The following AGL variants were observed in gnomAD, a reference collection of about 807,000 sequenced individuals.
The protein encoded by AGL is glycogen debranching enzyme.
In AGL, 128 loss-of-function variants were observed where a neutral mutation model predicts 199.3. That is an observed-to-expected ratio of 0.64 (90% CI 0.56 to 0.74). The LOEUF (loss-of-function observed/expected upper bound fraction) is 0.74, where lower values mean the gene tolerates loss of function less well. Among genes scored for constraint, AGL ranks in the 30% least tolerant of loss-of-function variants. AGL has a pLI of 0.00. For synonymous variants in AGL, 584 were observed against 594.7 expected (o/e 0.98, Z 0.26); for missense variants, 1,809 against 1,820.8 (o/e 0.99, Z 0.12).
intron 23 of AGL, 32 bp from the exon 24 acceptor site, chr1:99,892,400 A>G: frequency 1.3e-6 from 2 of 1,597,984 alleles, no homozygotes. Context: ...TTGTATTTCT[A>G]CAAGTAATAA....
chr1:99,857,787 C>CAGTGGGGAGGAGGAGGGGGG lies in AGL; in HGVS notation c.83-3714_83-3713insTGGGGAGGAGGAGGGGGGAG, dbSNP rs1649652496. On this transcript the variant is annotated intron_variant, in intron 2 of 33. Transcript: ENST00000361915. ...GTACAGTCCAGCCTTGGCTCGGCAT[C>CAGTGGGGAGGAGGAGGGGGG]AGAGGGAGACCGTGGGGAGGGGGAG... Among the ~76,000 whole-genome samples, 5 of 31,586 alleles carry CAGTGGGGAGGAGGAGGGGGG rather than the reference C, an allele frequency of 1.6e-4. No homozygotes were observed. In the East Asian group the frequency reaches 4.8e-3, roughly 30 times the overall value. The allele number at this position is 31,586 out of a possible 152,430, so 20.7% of individuals were successfully genotyped here.
rs1480850606 is a variant in AGL at position 99,921,577 on chromosome 1, C to A, written c.4525C>A (p.Gln1509Lys). 1 of 1,613,112 alleles carries A rather than the reference C, an allele frequency of 6.2e-7. No homozygotes were observed. The highest frequency in any genetic ancestry group is 8.5e-7 in the Non-Finnish European group (1 of 1,179,456). ...GLPELTNENAQYCPFSCETQA... is the reference protein window; with the variant it reads ...GLPELTNENAKYCPFSCETQA... ...TCCAGAACTGACCAATGAGAATGCC[C>A]AGTACTGTCCTTTCAGCTGTGAAAC... The change falls in exon 34 of 34, where the codon CAG (glutamine) becomes AAG (lysine). Residue 1509 changes from glutamine (Q) to lysine (K), a missense_variant. Transcript: ENST00000361915.
intron 24 of AGL, among the ~76,000 whole-genome samples, chr1:99,893,246 GGAA>G (rs1210133709): frequency 6.6e-6 from 1 of 152,124 alleles, no homozygotes; most frequent in East Asian, 1.9e-4. Flanking sequence ...TCAAGTTACA[GGAA>G]GAAAGAAATA....
At chr1:99,871,581 A>G (rs1345744962) in intron 7 of AGL, among the ~76,000 whole-genome samples, 1 of 152,206 alleles carries the variant, frequency 6.6e-6, no homozygotes, top group Admixed American at 6.5e-5. Flanking sequence ...CTCTTGCAGA[A>G]AACAGAACTA....
Position 99,922,216 on chromosome 1 carries a change from AT to A in AGL, c.*567del, listed in dbSNP as rs1655560456. On this transcript the variant is annotated 3_prime_UTR_variant, in exon 34 of 34. Coordinates refer to ENST00000361915, the MANE Select transcript of AGL (RefSeq NM_000642.3). ...TATGCTTTCATTTTTTCACTGATAT[AT>A]TAATTTTTGTGTAATGAATGCCAAC... 1 of 151,884 alleles carries A rather than the reference AT, an allele frequency of 6.6e-6. No homozygotes were observed. Among genetic ancestry groups the A allele is most frequent in the Non-Finnish European group, 1.5e-5 (1 of 67,860 alleles). 9.4% of individuals were successfully genotyped at this position (151,884 alleles called of 1,614,324 possible).
Position 99,861,133 on chromosome 1 carries a change from G to A in AGL, c.83-370G>A, listed in dbSNP as rs1485480031. 1.1e-5 allele frequency: 12 copies of A among 1,073,772 alleles called. No individual in the cohort carries two copies. The South Asian group carries it at 2.8e-4, about 25-fold the overall frequency. The allele number at this position is 1,073,772 out of a possible 1,614,324, so 66.5% of individuals were successfully genotyped here. A position where few individuals can be genotyped will look rare whatever the true frequency, so the allele number is the denominator to read the frequency against. On this transcript the variant is annotated intron_variant, in intron 2 of 33. Coordinates refer to ENST00000361915, the MANE Select transcript of AGL (RefSeq NM_000642.3). The stretch of plus-strand genomic sequence containing the variant: ...CTCTGTTGCAGTTAGAAAAATACTA[G>A]AGAAGGTCTCTCCTCAGATGCCTGC...
chr1:99,871,999 A>T (rs1217136047), intron 7 of AGL, among the ~76,000 whole-genome samples: 1 of 151,862 alleles, frequency 6.6e-6, no homozygotes, highest in African/African-American at 2.4e-5. Context: ...TTTTATATTT[A>T]TTTTTATTTT....
intron 5 of AGL, among the ~76,000 whole-genome samples, chr1:99,867,539 C>CT (rs1489441460): frequency 4.6e-5 from 7 of 150,754 alleles, no homozygotes; most frequent in South Asian, 2.1e-4. Flanking sequence ...TGCAGAAGTT[C>CT]TTTTTTTTTA....
At chr1:99,893,377 A>T (rs1653057403) in intron 24 of AGL, among the ~76,000 whole-genome samples, 2 of 152,222 alleles carry the variant, frequency 1.3e-5, no homozygotes, top group African/African-American at 4.8e-5. Flanking sequence ...AAAAATGTTC[A>T]TGAAACATTC....
At chr1:99,904,194 C>T (rs1196352069) in intron 27 of AGL, among the ~76,000 whole-genome samples, 1 of 152,202 alleles carries the variant, frequency 6.6e-6, no homozygotes, top group East Asian at 1.9e-4. Flanking sequence ...CATCTCATGG[C>T]ACACTATCAT....
At chr1:99,892,676 A>G (rs1250018707) in intron 24 of AGL, 69 bp downstream of exon 24, 3 of 1,490,148 alleles carry the variant, frequency 2.0e-6, no homozygotes, top group East Asian at 4.6e-5. Context: ...TTATAGGAAA[A>G]TGATTATTTT....
rs1329032182 is a variant in AGL at position 99,912,560 on chromosome 1, A to G, written c.3949+43A>G. On this transcript the variant is annotated intron_variant, in intron 29 of 33. Transcript: ENST00000361915. ...TTTACAAAGAACCTTCAAATGTACT[A>G]TGTATATTCTCAACCTATGTAATCA... 3.7e-6 allele frequency: 5 copies of G among 1,335,314 alleles called. No individual in the cohort carries two copies. The African/African-American group carries it at 4.3e-5, about 12-fold the overall frequency. 82.7% of individuals were successfully genotyped at this position (1,335,314 alleles called of 1,614,324 possible).
At chr1:99,863,033 G>A (rs962286108) in intron 4 of AGL, among the ~76,000 whole-genome samples, 1 of 151,628 alleles carries the variant, frequency 6.6e-6, no homozygotes, top group African/African-American at 2.4e-5. Context: ...TCCACCTCCC[G>A]GGTTCAAACG....
chr1:99,881,304 T>G lies in AGL; in HGVS notation c.2014T>G (p.Ser672Ala), dbSNP rs759991540. The G allele has an allele frequency of 2.5e-5, 40 of 1,614,028 alleles. No individual in the cohort carries two copies. In the East Asian group the frequency reaches 8.7e-4, roughly 35 times the overall value. The change falls in exon 16 of 34, where the codon TCT becomes GCT. Residue 672 changes from serine (S) to alanine (A), a missense_variant. Ser to Ala is a moderately conservative substitution (Grantham distance 99, BLOSUM62 1). Transcript: ENST00000361915. Reference sequence around the variant, plus strand: ...TACCTTTGTCCAGATTTCAGTGGTTTCTGAAGAACGGTTTTACACTAAGTG... The same window carrying G: ...TACCTTTGTCCAGATTTCAGTGGTTGCTGAAGAACGGTTTTACACTAAGTG... ...ELVPHQISVV[S>A]EERFYTKWNP... is the part of the protein sequence containing the mutation.
At chr1:99,910,589 A>G (rs1435845680) in intron 27 of AGL, 123 bp from the exon 28 acceptor site, 4 of 395,788 alleles carry the variant, frequency 1.0e-5, no homozygotes, top group Non-Finnish European at 1.6e-5. Context: ...ATACCACCAA[A>G]CTGAGCTTTA....
intron 11 of AGL, among the ~76,000 whole-genome samples, chr1:99,876,956 T>C (rs1378341764): frequency 1.3e-5 from 2 of 152,184 alleles, no homozygotes; most frequent in Non-Finnish European, 2.9e-5. Context: ...ATAAGAGATA[T>C]TTTCACTCAT....
At position 99,874,703 on chromosome 1, in the gene AGL, C is replaced by G; in HGVS notation, c.975C>G (p.Thr325=). Residue 325 remains threonine, a synonymous_variant, in exon 8 of 34, where the codon ACC becomes ACG. Coordinates refer to ENST00000361915, the MANE Select transcript of AGL (RefSeq NM_000642.3). The part of the protein sequence containing the change: ...RLLTQENRRV[T]KSDPNQHLTI... ...TTCTTTTAGAAAATAGGCGAGTAAC[C>G]AAGTCTGATCCAAACCAACACCTTA... is the stretch of plus-strand genomic sequence containing the variant. 5.0e-6 allele frequency: 8 copies of G among 1,593,610 alleles called. No individual in the cohort carries two copies. The highest frequency in any genetic ancestry group is 1.7e-5 in the Admixed American group (1 of 59,256).
rs767810591 is a variant in AGL at position 99,877,742 on chromosome 1, A to G, written c.1525A>G (p.Met509Val). The part of the protein sequence containing the change: ...PEDCPYLWAH[M>V]KKYTEITATY... Reference sequence around the variant, plus strand: ...GGACTGTCCTTATCTCTGGGCACACATGAAAAAATACACTGAAATAACTGC... The same window carrying G: ...GGACTGTCCTTATCTCTGGGCACACGTGAAAAAATACACTGAAATAACTGC... The change falls in exon 12 of 34, where the codon ATG (methionine) becomes GTG (valine). Residue 509 changes from methionine to valine, a missense_variant. Physicochemically the swap from Met to Val is conservative, Grantham distance 21. Coordinates refer to ENST00000361915, the MANE Select transcript of AGL (RefSeq NM_000642.3). The G allele has an allele frequency of 1.2e-6, 2 of 1,614,118 alleles. No homozygotes were observed. Among genetic ancestry groups the G allele is most frequent in the Admixed American group, 1.7e-5 (1 of 60,032 alleles).
intron 25 of AGL, among the ~76,000 whole-genome samples, chr1:99,896,685 T>G (rs762971190): frequency 1.3e-5 from 2 of 152,240 alleles, no homozygotes; most frequent in Non-Finnish European, 2.9e-5. Context: ...CCTTCCATAG[T>G]GAAGGCATTG....
Sources: allele counts gnomAD v4.1 joint callset (sites outside exome capture counted in the v4.1 genomes callset), GRCh38; gene constraint gnomAD v4.1.1; transcripts MANE v1.5; gene names NCBI Gene and HGNC (gene_info 2026-07-23, HGNC 2026-07-21).